KCNT2: variants seen among roughly 807,000 people sequenced by gnomAD.
KCNT2 encodes potassium channel subfamily T member 2.
Under a neutral mutation model 153.8 loss-of-function variants are expected in KCNT2, and 67 were observed. That is an observed-to-expected ratio of 0.44 (90% confidence interval 0.36 to 0.53). The LOEUF (loss-of-function observed/expected upper bound fraction) is 0.53. KCNT2 is among the 20% of genes least tolerant of loss of function. KCNT2 has a pLI of 0.00. For synonymous variants in KCNT2, 500 were observed against 458.8 expected, an observed-to-expected ratio of 1.09 and a Z score of -1.15; for missense variants, 975 against 1,354.8, an observed-to-expected ratio of 0.72 and a Z score of 4.40.
intron 25 of KCNT2, among the ~76,000 whole-genome samples, chr1:196,266,639 C>T (rs917662036): frequency 1.3e-5 from 2 of 152,098 alleles, no homozygotes; most frequent in East Asian, 1.9e-4. Context: ...GAACAAGGAA[C>T]CCCTTACCTA....
chr1:196,241,932 AT>A (rs1654996581), intron 26 of KCNT2, among the ~76,000 whole-genome samples: 1 of 152,094 alleles, frequency 6.6e-6, no homozygotes, highest in African/African-American at 2.4e-5. Context: ...ACCTTGCAAT[AT>A]TTTTTAACAA....
At chr1:196,517,331 A>G (rs1390595315) in intron 1 of KCNT2, among the ~76,000 whole-genome samples, 1 of 152,170 alleles carries the variant, frequency 6.6e-6, no homozygotes, top group African/African-American at 2.4e-5. Context: ...GAAAGAACCA[A>G]TGCAAGAACT....
rs371201476 is a variant in KCNT2 at position 196,341,458 on chromosome 1, C to T, written c.1553+621G>A. ...GCATCATAAGTTGGGGGTTCCTGTACATTACATAATAGATTAGTTAGTAGA... is the reference window on the plus strand; with the variant it reads ...GCATCATAAGTTGGGGGTTCCTGTATATTACATAATAGATTAGTTAGTAGA... On this transcript the variant is annotated intron_variant, in intron 15 of 27. Coordinates refer to ENST00000294725, the MANE Select transcript of KCNT2 (RefSeq NM_198503.5). 1.5e-4 allele frequency among the ~76,000 whole-genome samples: 23 copies of T among 152,074 alleles called. No homozygotes were observed. In the East Asian group the frequency reaches 2.3e-3, roughly 15 times the overall value.
intron 12 of KCNT2, among the ~76,000 whole-genome samples, chr1:196,406,874 T>C (rs1228154756): frequency 2.6e-5 from 4 of 151,470 alleles, no homozygotes. Flanking sequence ...AAAACCTGCT[T>C]GCCTGTCGGA....
chr1:196,587,326 T>C (rs1230221869), intron 1 of KCNT2, among the ~76,000 whole-genome samples: 1 of 151,976 alleles, frequency 6.6e-6, no homozygotes, highest in Non-Finnish European at 1.5e-5. Context: ...CACTGACAAC[T>C]AGAGAGATTA....
intron 1 of KCNT2, among the ~76,000 whole-genome samples, chr1:196,505,691 C>T (rs1299247126): frequency 2.6e-5 from 4 of 152,038 alleles, no homozygotes; most frequent in African/African-American, 7.2e-5. Flanking sequence ...GACATTTTCA[C>T]GATATTGATT....
intron 8 of KCNT2, among the ~76,000 whole-genome samples, chr1:196,448,526 C>A (rs1403430833): frequency 6.6e-6 from 1 of 151,478 alleles, no homozygotes; most frequent in Non-Finnish European, 1.5e-5. Context: ...ATTGCATTAC[C>A]TGCCCTCTAC....
At chr1:196,356,289 C>T (rs1667169653) in intron 14 of KCNT2, among the ~76,000 whole-genome samples, 1 of 151,528 alleles carries the variant, frequency 6.6e-6, no homozygotes, top group Admixed American at 6.6e-5. Context: ...TTCATCCTGC[C>T]CTGCACTTAG....
At chr1:196,253,909 C>G (rs1159845857) in intron 26 of KCNT2, among the ~76,000 whole-genome samples, 1 of 151,474 alleles carries the variant, frequency 6.6e-6, no homozygotes, top group African/African-American at 2.4e-5. Context: ...TGTGCCAAAA[C>G]ACAGCACTTG....
At position 196,423,070 on chromosome 1, in the gene KCNT2, C is replaced by T; in HGVS notation, c.1165G>A (p.Glu389Lys). ...CTTACAGATGATGTCCTATCCACTT[C>T]ACAACGGCTACTGAGAATAAAACAG... ...EACFILSSRCEVDRTSSDHQT... is the reference protein window; with the variant it reads ...EACFILSSRCKVDRTSSDHQT... The change falls in exon 12 of 28, where the codon GAA (glutamate) becomes AAA (lysine). Residue 389 changes from glutamate (E) to lysine (K), a missense_variant. By Grantham distance (56) the Glu-to-Lys change is moderately conservative. Around this residue, in one of 6 missense-constraint regions of KCNT2, gnomAD observed 202 missense variants for 314.9 expected, o/e 0.64. Transcript: ENST00000294725. The T allele has an allele frequency of 6.2e-7, 1 of 1,603,256 alleles. No homozygotes were observed.
intron 8 of KCNT2, among the ~76,000 whole-genome samples, chr1:196,457,096 C>T (rs1257919318): frequency 6.6e-6 from 1 of 151,812 alleles, no homozygotes; most frequent in African/African-American, 2.4e-5. Context: ...ATTTATTCAA[C>T]ACACATTATT....
intron 21 of KCNT2, among the ~76,000 whole-genome samples, chr1:196,313,961 T>A (rs931303896): frequency 2.6e-5 from 4 of 151,658 alleles, no homozygotes; most frequent in Non-Finnish European, 5.9e-5. Context: ...CATCCATTCA[T>A]TCATTCAACA....
chr1:196,489,182 G>A (rs983287337), intron 3 of KCNT2, among the ~76,000 whole-genome samples: 2 of 151,874 alleles, frequency 1.3e-5, no homozygotes, highest in African/African-American at 4.8e-5. Flanking sequence ...TGGAGTAGGG[G>A]GCTGATGAGG....
rs749355109 is a variant in KCNT2 at position 196,331,113 on chromosome 1, A to G, written c.2103+43T>C. 1.0e-5 allele frequency: 11 copies of G among 1,052,050 alleles called. No individual in the cohort carries two copies. In the East Asian group the frequency reaches 2.4e-4, roughly 23 times the overall value. 65.2% of individuals were successfully genotyped at this position (1,052,050 alleles called of 1,614,324 possible). Reference sequence around the variant, plus strand: ...TTAAATTATGTAACTATAAAATGCTATAATTTTATTTTGTAAACAAAAAAG... The same window carrying G: ...TTAAATTATGTAACTATAAAATGCTGTAATTTTATTTTGTAAACAAAAAAG... On this transcript the variant is annotated intron_variant, in intron 18 of 27. Transcript: ENST00000294725.
At chr1:196,391,138 T>TGTAGTAAGG (rs1352016010) in intron 13 of KCNT2, among the ~76,000 whole-genome samples, 1 of 151,242 alleles carries the variant, frequency 6.6e-6, no homozygotes, top group Non-Finnish European at 1.5e-5. Flanking sequence ...TAAAGCTCTA[T>TGTAGTAAGG]GTAGTAAGGA....
intron 25 of KCNT2, among the ~76,000 whole-genome samples, chr1:196,261,920 T>C (rs982956611): frequency 6.6e-6 from 1 of 151,842 alleles, no homozygotes; most frequent in Non-Finnish European, 1.5e-5. Context: ...TGGTAATATA[T>C]ACAGTTCAAT....
At chr1:196,591,339 T>C (rs1663341138) in intron 1 of KCNT2, among the ~76,000 whole-genome samples, 2 of 152,084 alleles carry the variant, frequency 1.3e-5, no homozygotes, top group Admixed American at 1.3e-4. Flanking sequence ...GCTGGTACCA[T>C]GCTTGCACAG....
At chr1:196,276,611 T>C (rs938552870) in intron 25 of KCNT2, among the ~76,000 whole-genome samples, 4 of 152,058 alleles carry the variant, frequency 2.6e-5, no homozygotes, top group African/African-American at 9.7e-5. Context: ...AGATCATTAT[T>C]TCTCCTTCAT....
chr1:196,489,999 A>G, intron 2 of KCNT2, 62 bp from the exon 3 acceptor site: 1 of 711,246 alleles, frequency 1.4e-6, no homozygotes, highest in South Asian at 2.1e-5. Context: ...GACTAAAAAG[A>G]ATTGTCAAAA....
Sources: gnomAD v4.1 joint callset for allele counts (sites outside exome capture counted in the v4.1 genomes callset) on GRCh38, gnomAD v4.1.1 for gene constraint, gnomAD v4.1.1 regional missense constraint, MANE v1.5 for transcripts, NCBI Gene and HGNC (gene_info 2026-07-23, HGNC 2026-07-21) for gene names.